CFAP61: variants seen among roughly 807,000 people sequenced by gnomAD.
CFAP61 encodes the protein cilia and flagella associated protein 61.
Under a neutral mutation model 135.6 loss-of-function variants are expected in CFAP61, and 107 were observed. The ratio of observed to expected loss-of-function variants is 0.79; its 90% CI spans 0.67 to 0.93. CFAP61 has a LOEUF of 0.93. Among genes scored for constraint, CFAP61 ranks in the 40% least tolerant of loss-of-function variants. The probability of loss-of-function intolerance (pLI) is 0.00; values close to 1 mark genes in which losing one functional copy is unlikely to be tolerated. For synonymous variants in CFAP61, 575 were observed against 578.5 expected (o/e 0.99, Z 0.09); for missense variants, 1,507 against 1,556.2 (o/e 0.97, Z 0.53).
At chr20:20,169,255 G>A (rs1288311838) in intron 12 of CFAP61, 66 bp from the exon 13 acceptor site, 1 of 1,454,916 alleles carries the variant, frequency 6.9e-7, no homozygotes, top group African/African-American at 1.4e-5. Flanking sequence ...GTGTTTTTTA[G>A]AGGAATTTGT....
chr20:20,329,068 C>T (rs1602045313), intron 25 of CFAP61, among the ~76,000 whole-genome samples: 2 of 152,256 alleles, frequency 1.3e-5, no homozygotes, highest in African/African-American at 2.4e-5. Context: ...CAACCTTTTG[C>T]TCCCTCTCCC....
At chr20:20,120,313 A>C (rs2049510665) in intron 8 of CFAP61, among the ~76,000 whole-genome samples, 1 of 152,056 alleles carries the variant, frequency 6.6e-6, no homozygotes, top group African/African-American at 2.4e-5. Flanking sequence ...GCTGTATCTC[A>C]TGGATTTTGG....
chr20:20,129,041 T>G (rs1568965914), intron 8 of CFAP61, among the ~76,000 whole-genome samples: 1 of 151,648 alleles, frequency 6.6e-6, no homozygotes, highest in Non-Finnish European at 1.5e-5. Context: ...TAACTATTAT[T>G]GTTTTTGACA....
intron 17 of CFAP61, among the ~76,000 whole-genome samples, chr20:20,207,286 T>A: frequency 6.6e-6 from 1 of 152,300 alleles, no homozygotes; most frequent in East Asian, 1.9e-4. Flanking sequence ...AGTAATATTA[T>A]TGCTGTTAAA....
intron 25 of CFAP61, among the ~76,000 whole-genome samples, chr20:20,331,276 C>T (rs1366692080): frequency 6.6e-6 from 1 of 151,864 alleles, no homozygotes; most frequent in Non-Finnish European, 1.5e-5. Flanking sequence ...ATCCATTACC[C>T]TCTTATTGTG....
Position 20,162,534 on chromosome 20 carries a change from C to G in CFAP61, c.1027-1516C>G, listed in dbSNP as rs560503431. 3.5e-4 allele frequency among the ~76,000 whole-genome samples: 54 copies of G among 152,216 alleles called. No homozygotes were observed. In the South Asian group the frequency reaches 0.011, roughly 32 times the overall value. On this transcript the variant is annotated intron_variant, in intron 10 of 26. Coordinates refer to ENST00000245957, the MANE Select transcript of CFAP61 (RefSeq NM_015585.4). The stretch of plus-strand genomic sequence containing the variant: ...CCAGTGTCTGTGGAGTTTTGCCTCT[C>G]AAGCATGTTGCTTTTAGGAAGCTAA...
rs1198304180 is a variant in CFAP61 at position 20,064,236 on chromosome 20, G to A, written c.144-6618G>A. Reference sequence around the variant, plus strand: ...CCATAACTTTTGTAGTTTGAAGTGCGACAGGAGAACTAACAGGAATTTCTT... The same window carrying A: ...CCATAACTTTTGTAGTTTGAAGTGCAACAGGAGAACTAACAGGAATTTCTT... On this transcript the variant is annotated intron_variant, in intron 2 of 26. Transcript: ENST00000245957. 4.6e-5 allele frequency among the ~76,000 whole-genome samples: 7 copies of A among 152,114 alleles called. No homozygotes were observed. In the East Asian group the frequency reaches 5.8e-4, roughly 13 times the overall value.
chr20:20,052,560 G>C lies in CFAP61; in HGVS notation c.-68G>C. 1 of 1,614,126 alleles carries C rather than the reference G, an allele frequency of 6.2e-7. No individual in the cohort carries two copies. Among genetic ancestry groups the C allele is most frequent in the Non-Finnish European group, 8.5e-7 (1 of 1,180,024 alleles). ...CTGCGCGTCCTCCTTGCGGCAGCGC[G>C]TGGAGTGCGGCGTCCTGGAGCTGCG... On this transcript the variant is annotated 5_prime_UTR_variant, in exon 1 of 27. Transcript: ENST00000245957.
chr20:20,270,670 G>T (rs1415022257), intron 21 of CFAP61, among the ~76,000 whole-genome samples: 1 of 134,414 alleles, frequency 7.4e-6, no homozygotes, highest in East Asian at 2.0e-4. Context: ...TTGCATCTTG[G>T]TGCATTATTC....
intron 6 of CFAP61, among the ~76,000 whole-genome samples, chr20:20,083,142 C>T (rs1057139237): frequency 1.3e-5 from 2 of 152,122 alleles, no homozygotes; most frequent in African/African-American, 4.8e-5. Flanking sequence ...ATTCATACAC[C>T]GTGGAATACT....
chr20:20,338,896 C>T (rs1026238727), intron 25 of CFAP61, among the ~76,000 whole-genome samples: 17 of 152,154 alleles, frequency 1.1e-4, no homozygotes, highest in African/African-American at 1.7e-4. Context: ...AATTCAGTTC[C>T]GCAAGTCAAA....
At chr20:20,174,309 CTCT>C (rs2054446039) in intron 13 of CFAP61, among the ~76,000 whole-genome samples, 1 of 152,282 alleles carries the variant, frequency 6.6e-6, no homozygotes, top group African/African-American at 2.4e-5. Context: ...GCCTGTGCAC[CTCT>C]GTAGCTTCTC....
At chr20:20,243,459 T>C (rs2050172997) in intron 18 of CFAP61, among the ~76,000 whole-genome samples, 4 of 151,714 alleles carry the variant, frequency 2.6e-5, no homozygotes. Flanking sequence ...TTTTTTGAGA[T>C]GGAGTTTCAC....
At chr20:20,326,862 T>C (rs2057768115) in intron 25 of CFAP61, among the ~76,000 whole-genome samples, 1 of 152,194 alleles carries the variant, frequency 6.6e-6, no homozygotes, top group African/African-American at 2.4e-5. Flanking sequence ...TTTAACTGAG[T>C]CTGAATTGAA....
intron 25 of CFAP61, among the ~76,000 whole-genome samples, chr20:20,325,407 C>T (rs1056454320): frequency 6.6e-6 from 1 of 152,210 alleles, no homozygotes; most frequent in Admixed American, 6.5e-5. Context: ...CTGCCTCCCC[C>T]ACAAGCTTCT....
chr20:20,140,424 A>ATGAG (rs1467482569), intron 8 of CFAP61, among the ~76,000 whole-genome samples: 6 of 57,020 alleles, frequency 1.1e-4, no homozygotes, highest in African/African-American at 4.6e-4. Context: ...TTTCCCACCT[A>ATGAG]TGAGTGAGAA....
intron 21 of CFAP61, among the ~76,000 whole-genome samples, chr20:20,264,117 A>G (rs1162810346): frequency 2.0e-5 from 3 of 152,168 alleles, no homozygotes; most frequent in South Asian, 2.1e-4. Context: ...ACTACATTCA[A>G]CATTTTAAAA....
Position 20,288,831 on chromosome 20 carries a change from G to A in CFAP61, c.3019G>A (p.Ala1007Thr). 2 of 1,614,112 alleles carry A rather than the reference G, an allele frequency of 1.2e-6. No homozygotes were observed. Among genetic ancestry groups the A allele is most frequent in the South Asian group, 1.1e-5 (1 of 91,068 alleles). The change falls in exon 23 of 27, where the codon GCA becomes ACA. Residue 1007 changes from alanine to threonine, a missense_variant. By Grantham distance (58) the Ala-to-Thr change is moderately conservative. Transcript: ENST00000245957. Reference sequence around the variant, plus strand: ...TTCCAAAGAAATTGGCTTTCAGCTGGCAGCAGCTATGCTACATCTCTTTGA... The same window carrying A: ...TTCCAAAGAAATTGGCTTTCAGCTGACAGCAGCTATGCTACATCTCTTTGA... Reference protein sequence around the residue: ...FSSKEIGFQLAAAMLHLFDPT... With the variant: ...FSSKEIGFQLTAAMLHLFDPT...
rs79081191 is a variant in CFAP61, at chr20:20,215,513, G to A, written c.1933-12736G>A. Among the ~76,000 whole-genome samples, 644 of 152,332 alleles carry A rather than the reference G, an allele frequency of 4.2e-3. 10 individuals carry two copies. Among genetic ancestry groups the A allele is most frequent in the African/African-American group, 0.015 (624 of 41,564 alleles). ...TGGGGAGAGTATTTGGAAGGAATAA[G>A]TAGTAGGGACAAACATGGCTGGGAT... On this transcript the variant is annotated intron_variant, in intron 17 of 26. Transcript: ENST00000245957.
Sources: gnomAD v4.1 joint callset for allele counts (sites outside exome capture counted in the v4.1 genomes callset) on GRCh38, gnomAD v4.1.1 for gene constraint, MANE v1.5 for transcripts, NCBI Gene and HGNC (gene_info 2026-07-23, HGNC 2026-07-21) for gene names.